Variants in SLC39A10 observed in about 807,000 individuals in gnomAD.
The protein encoded by SLC39A10 is zinc transporter ZIP10.
Under a neutral mutation model 65.1 loss-of-function variants are expected in SLC39A10, and 13 were observed. The observed-to-expected ratio is 0.20, with a 90% CI of 0.13 to 0.32. The LOEUF (loss-of-function observed/expected upper bound fraction) is 0.32, where lower values mean the gene tolerates loss of function less well. SLC39A10 is among the 10% of genes least tolerant of loss of function. SLC39A10 has a pLI of 1.00. For synonymous variants in SLC39A10, 321 were observed against 342.2 expected (o/e 0.94, Z 0.68); for missense variants, 831 against 1,018.4 (o/e 0.82, Z 2.50).
At chr2:195,616,036 A>G (rs1688200166) in intron 2 of SLC39A10, among the ~76,000 whole-genome samples, 1 of 152,138 alleles carries the variant, frequency 6.6e-6, no homozygotes, top group Admixed American at 6.5e-5. Context: ...GCTCACTGCA[A>G]ACTCCACGGC....
chr2:195,679,967 A>T, intron 1 of SLC39A10, 65 bp from the exon 2 acceptor site: 1 of 1,356,316 alleles, frequency 7.4e-7, no homozygotes, highest in Non-Finnish European at 9.8e-7. Context: ...CTTCCAGAGA[A>T]TTAGATTGTT....
chr2:195,649,892 TAC>T, intron 2 of SLC39A10, among the ~76,000 whole-genome samples: 1 of 152,240 alleles, frequency 6.6e-6, no homozygotes. Flanking sequence ...GCAATTTGTC[TAC>T]AGTTTTTCTT....
Position 195,716,917 on chromosome 2 carries a change from C to T in SLC39A10, c.1977C>T (p.Ser659=), listed in dbSNP as rs570834233. 1.5e-5 allele frequency: 25 copies of T among 1,614,156 alleles called. No individual in the cohort carries two copies. Among genetic ancestry groups the T allele is most frequent in the South Asian group, 1.2e-4 (11 of 91,078 alleles). ...HHSHGPCHSG[S]DLKETGIANI... ...CCCATGGCCCCTGTCATTCTGGATC[C>T]GATCTGAAAGAAACAGGAATAGCTA... The change falls in exon 7 of 10, where the codon TCC becomes TCT. Residue 659 remains serine (S), a synonymous_variant. Coordinates refer to ENST00000359634, the MANE Select transcript of SLC39A10 (RefSeq NM_020342.3).
intron 2 of SLC39A10, among the ~76,000 whole-genome samples, chr2:195,614,794 C>A (rs1688172416): frequency 6.6e-6 from 1 of 152,144 alleles, no homozygotes; most frequent in Non-Finnish European, 1.5e-5. Context: ...TGGCTTAGGA[C>A]TGTTATCCTG....
At chr2:195,692,156 C>T (rs1427776649) in intron 3 of SLC39A10, among the ~76,000 whole-genome samples, 1 of 151,448 alleles carries the variant, frequency 6.6e-6, no homozygotes, top group Non-Finnish European at 1.5e-5. Flanking sequence ...GATCTGTTGG[C>T]GTATTTGGCT....
intron 2 of SLC39A10, among the ~76,000 whole-genome samples, chr2:195,648,231 C>T (rs1688963876): frequency 6.6e-6 from 1 of 151,646 alleles, no homozygotes; most frequent in African/African-American, 2.4e-5. Context: ...CTCCTGGGCT[C>T]AAGCGATCCT....
intron 1 of SLC39A10, among the ~76,000 whole-genome samples, chr2:195,665,692 T>A (rs894816432): frequency 2.0e-5 from 3 of 152,214 alleles, no homozygotes; most frequent in Admixed American, 6.5e-5. Context: ...CCCTGTCTGT[T>A]CCTTTCATAT....
In SLC39A10 at chr2:195,736,742, T is replaced by TAGA. The variant is rs532675691; in HGVS notation, c.*1704_*1706dup. 1.1e-3 allele frequency: 166 copies of TAGA among 152,556 alleles called. No individual in the cohort carries two copies. The highest frequency in any genetic ancestry group is 3.8e-3 in the African/African-American group (157 of 41,492). The allele number at this position is 152,556 out of a possible 1,614,324, so 9.5% of individuals were successfully genotyped here. On this transcript the variant is annotated 3_prime_UTR_variant, in exon 10 of 10. Transcript: ENST00000359634. ...TACTCCATGGCCTCCTTATAATAAG[T>TAGA]AGAAGTTTTATATATAATTAATTTT...
At chr2:195,731,400 GCTTTA>G (rs1412608103) in intron 9 of SLC39A10, among the ~76,000 whole-genome samples, 1 of 152,054 alleles carries the variant, frequency 6.6e-6, no homozygotes, top group Non-Finnish European at 1.5e-5. Context: ...CTCTATCCCT[GCTTTA>G]CTTTTTCTCC....
At chr2:195,663,850 C>T (rs1308727404) in intron 1 of SLC39A10, among the ~76,000 whole-genome samples, 2 of 149,030 alleles carry the variant, frequency 1.3e-5, no homozygotes, top group Admixed American at 6.7e-5. Flanking sequence ...GGTTTGTTAC[C>T]TGGGTTATAT....
At chr2:195,679,015 C>T (rs984674384) in intron 1 of SLC39A10, among the ~76,000 whole-genome samples, 5 of 152,114 alleles carry the variant, frequency 3.3e-5, no homozygotes, top group Non-Finnish European at 4.4e-5. Context: ...ACATGTTCTG[C>T]GTCTACGTTG....
chr2:195,714,125 G>A (rs895500758), intron 6 of SLC39A10, among the ~76,000 whole-genome samples: 5 of 152,024 alleles, frequency 3.3e-5, no homozygotes, highest in Admixed American at 1.3e-4. Flanking sequence ...TAGGGACGGG[G>A]TTTCACCGTG....
chr2:195,721,554 C>T (rs1354488538), intron 8 of SLC39A10, among the ~76,000 whole-genome samples: 3 of 151,702 alleles, frequency 2.0e-5, no homozygotes, highest in Non-Finnish European at 4.4e-5. Flanking sequence ...TGTTAGATGC[C>T]GTATTTCTTA....
intron 2 of SLC39A10, among the ~76,000 whole-genome samples, chr2:195,622,736 G>A (rs1688376463): frequency 3.9e-5 from 6 of 152,190 alleles, no homozygotes; most frequent in Admixed American, 3.9e-4. Context: ...ACTTTGGGAG[G>A]CCAAAGCGGG....
At chr2:195,675,492 G>A (rs1056253789) in intron 1 of SLC39A10, among the ~76,000 whole-genome samples, 2 of 152,208 alleles carry the variant, frequency 1.3e-5, no homozygotes, top group Admixed American at 1.3e-4. Context: ...CTGGAGTGCA[G>A]TGGCGTGATC....
At chr2:195,695,914 G>A (rs1690938762) in intron 3 of SLC39A10, among the ~76,000 whole-genome samples, 1 of 152,078 alleles carries the variant, frequency 6.6e-6, no homozygotes, top group Non-Finnish European at 1.5e-5. Context: ...ATAGTTTTAG[G>A]TCATATATTT....
chr2:195,616,330 CAG>C (rs1287723052), intron 2 of SLC39A10, among the ~76,000 whole-genome samples: 1 of 151,358 alleles, frequency 6.6e-6, no homozygotes, highest in African/African-American at 2.4e-5. Context: ...TTTTTTGAGA[CAG>C]AGTCTCACTC....
intron 2 of SLC39A10, among the ~76,000 whole-genome samples, chr2:195,635,699 C>T (rs1490630180): frequency 2.4e-5 from 1 of 41,642 alleles, no homozygotes; most frequent in Non-Finnish European, 3.6e-5. Flanking sequence ...TTTTGTGGAA[C>T]CCCCCCCACT....
At chr2:195,713,587 T>C in intron 6 of SLC39A10, 34 bp downstream of exon 6, 1 of 1,550,510 alleles carries the variant, frequency 6.4e-7, no homozygotes, top group Non-Finnish European at 8.6e-7. Flanking sequence ...ACAAACTTTT[T>C]TCTTTTTTTT....
Sources: allele counts gnomAD v4.1 joint callset (sites outside exome capture counted in the v4.1 genomes callset), GRCh38; gene constraint gnomAD v4.1.1; transcripts MANE v1.5; gene names NCBI Gene and HGNC (gene_info 2026-07-23, HGNC 2026-07-21).